TBL1XR1: variants seen among roughly 807,000 people sequenced by gnomAD.
TBL1XR1 encodes the protein TBL1X/Y related 1.
A neutral mutation model predicts 66.9 loss-of-function variants in TBL1XR1; 5 were observed. That is an observed-to-expected ratio of 0.07 (90% CI 0.04 to 0.16). TBL1XR1 has a LOEUF of 0.16. Among genes scored for constraint, TBL1XR1 ranks in the 10% least tolerant of loss-of-function variants. The pLI, the probability that TBL1XR1 is intolerant of heterozygous loss-of-function variation, is 1.00. For synonymous variants in TBL1XR1, 210 were observed against 206.0 expected, an observed-to-expected ratio of 1.02 and a Z score of -0.17; for missense variants, 238 against 623.2, an observed-to-expected ratio of 0.38 and a Z score of 6.58.
At chr3:177,069,002 C>G (rs895870382) in intron 2 of TBL1XR1, among the ~76,000 whole-genome samples, 1 of 152,166 alleles carries the variant, frequency 6.6e-6, no homozygotes. Flanking sequence ...TTTTCCTTCT[C>G]TCTTTCATTG....
intron 1 of TBL1XR1, among the ~76,000 whole-genome samples, chr3:177,177,038 G>A (rs1393669124): frequency 6.6e-6 from 1 of 152,140 alleles, no homozygotes; most frequent in Non-Finnish European, 1.5e-5. Context: ...GCATCCAAAT[G>A]GGTCTGGTTC....
At chr3:177,198,261 A>G (rs1361466134), upstream of TBL1XR1, among the ~76,000 whole-genome samples, 1 of 152,222 alleles carries the variant, frequency 6.6e-6, no homozygotes, top group Non-Finnish European at 1.5e-5. Context: ...ACAAAGCTGT[A>G]ATTGAAGTAT....
At chr3:177,033,194 G>A (rs1048278295) in intron 13 of TBL1XR1, 58 bp from the exon 14 acceptor site, 24 of 1,387,178 alleles carry the variant, frequency 1.7e-5, no homozygotes, top group Non-Finnish European at 2.3e-5. Flanking sequence ...CCCCAGCCTT[G>A]CTCCCACCCA....
At chr3:177,053,408 G>C (rs1257463489) in intron 4 of TBL1XR1, among the ~76,000 whole-genome samples, 1 of 152,176 alleles carries the variant, frequency 6.6e-6, no homozygotes, top group Non-Finnish European at 1.5e-5. Flanking sequence ...ACCATCCAGA[G>C]TTGGCTTCAA....
intron 3 of TBL1XR1, among the ~76,000 whole-genome samples, chr3:177,061,720 A>G (rs1264944821): frequency 6.6e-6 from 1 of 152,248 alleles, no homozygotes; most frequent in East Asian, 1.9e-4. Flanking sequence ...AAACATAGTT[A>G]TAACCTAAGA....
At chr3:177,042,118 C>G (rs953409573) in intron 10 of TBL1XR1, among the ~76,000 whole-genome samples, 15 of 152,126 alleles carry the variant, frequency 9.9e-5, no homozygotes, top group Admixed American at 5.9e-4. Context: ...TCAGTAACTA[C>G]TGTGCACTTT....
chr3:177,180,315 A>C (rs1734663511), intron 1 of TBL1XR1, among the ~76,000 whole-genome samples: 1 of 151,312 alleles, frequency 6.6e-6, no homozygotes, highest in African/African-American at 2.4e-5. Flanking sequence ...TACCTACTTT[A>C]ATCTACAGAC....
chr3:177,054,043 G>A (rs1034278593), intron 3 of TBL1XR1, 125 bp from the exon 4 acceptor site: 5 of 942,450 alleles, frequency 5.3e-6, no homozygotes, highest in Non-Finnish European at 4.5e-6. Flanking sequence ...CCAGACGAAG[G>A]TCGTGTGTGT....
intron 1 of TBL1XR1, among the ~76,000 whole-genome samples, chr3:177,169,041 A>G (rs954088785): frequency 1.3e-5 from 2 of 152,142 alleles, no homozygotes; most frequent in African/African-American, 2.4e-5. Flanking sequence ...GCTTGACCAC[A>G]TATTTACAAA....
chr3:177,186,317 TG>T (rs1286624452), intron 1 of TBL1XR1, among the ~76,000 whole-genome samples: 1 of 152,246 alleles, frequency 6.6e-6, no homozygotes, highest in Non-Finnish European at 1.5e-5. Flanking sequence ...GTTATATGAA[TG>T]AGTGCCAAAG....
chr3:177,053,477 G>A (rs1717382894), intron 4 of TBL1XR1, among the ~76,000 whole-genome samples: 1 of 152,126 alleles, frequency 6.6e-6, no homozygotes, highest in Admixed American at 6.5e-5. Flanking sequence ...CAATTTTCAG[G>A]CCAATAATTA....
chr3:177,051,385 A>C, intron 5 of TBL1XR1, 119 bp downstream of exon 5: 65 of 889,206 alleles, frequency 7.3e-5, no homozygotes, highest in Middle Eastern at 3.6e-4. Context: ...TCTGTACAAC[A>C]AACCCCTGTG....
chr3:177,077,895 G>A (rs776451609), intron 2 of TBL1XR1, among the ~76,000 whole-genome samples: 8 of 152,178 alleles, frequency 5.3e-5, no homozygotes, highest in African/African-American at 9.7e-5. Flanking sequence ...AAGTCAGAAC[G>A]TTGACATTTT....
chr3:177,193,683 T>C (rs10936936), intron 1 of TBL1XR1, among the ~76,000 whole-genome samples: 88,657 of 151,900 alleles, frequency 0.58, 26,202 homozygotes, highest in East Asian at 0.75. Context: ...TTTACCCATG[T>C]AATCACTCGA....
At chr3:177,196,574 G>C (rs1423071307) in intron 1 of TBL1XR1, 1 of 148,496 alleles carries the variant, frequency 6.7e-6, no homozygotes, top group Non-Finnish European at 1.5e-5. Flanking sequence ...CGCCCGGGCC[G>C]GGGACGCGCC....
At position 177,022,260 on chromosome 3, in the gene TBL1XR1, T is replaced by C. The variant is rs1263698524; in HGVS notation, c.*3238A>G. The C allele has an allele frequency of 6.6e-6, 1 of 152,580 alleles. No individual in the cohort carries two copies. Among genetic ancestry groups the C allele is most frequent in the Admixed American group, 6.5e-5 (1 of 15,272 alleles). 9.5% of individuals were successfully genotyped at this position (152,580 alleles called of 1,614,324 possible). ...ACTTTTTGCACCATAATTTGTTTTT[T>C]ACACCACAAAAGGAGGCACTTTCAG... is the stretch of plus-strand genomic sequence containing the variant. On this transcript the variant is annotated 3_prime_UTR_variant, in exon 16 of 16. Transcript: ENST00000457928.
intron 1 of TBL1XR1, among the ~76,000 whole-genome samples, chr3:177,136,762 C>T (rs539055919): frequency 3.3e-5 from 5 of 152,050 alleles, no homozygotes; most frequent in Admixed American, 3.3e-4. Flanking sequence ...CTACAGTGTA[C>T]AACCATAATA....
intron 1 of TBL1XR1, among the ~76,000 whole-genome samples, chr3:177,188,929 C>A (rs775071190): frequency 6.6e-6 from 1 of 152,120 alleles, no homozygotes; most frequent in South Asian, 2.1e-4. Context: ...AAATTTTGGG[C>A]GGGTGCGGTG....
rs1333932445 is a variant in TBL1XR1 at position 177,025,456 on chromosome 3, T to G, written c.*42A>C. On this transcript the variant is annotated 3_prime_UTR_variant, in exon 16 of 16. Coordinates refer to ENST00000457928, the MANE Select transcript of TBL1XR1 (RefSeq NM_024665.7). Reference sequence around the variant, plus strand: ...GGGTCAGGGACAGTCATTTTGGCTATGTACACATTCATAGTCGGTCCATGG... The same window carrying G: ...GGGTCAGGGACAGTCATTTTGGCTAGGTACACATTCATAGTCGGTCCATGG... The G allele has an allele frequency of 6.2e-7, 1 of 1,609,882 alleles. No homozygotes were observed. Among genetic ancestry groups the G allele is most frequent in the Non-Finnish European group, 8.5e-7 (1 of 1,178,092 alleles).
Sources: gnomAD v4.1 joint callset for allele counts (sites outside exome capture counted in the v4.1 genomes callset) on GRCh38, gnomAD v4.1.1 for gene constraint, MANE v1.5 for transcripts, NCBI Gene and HGNC (gene_info 2026-07-23, HGNC 2026-07-21) for gene names.